RNF216: variants seen among roughly 807,000 people sequenced by gnomAD.
RNF216 encodes the protein ring finger protein 216, also known as E3 ubiquitin-protein ligase RNF216.
Under a neutral mutation model 110.8 loss-of-function variants are expected in RNF216, and 72 were observed. The ratio of observed to expected loss-of-function variants is 0.65; its 90% CI spans 0.54 to 0.79. The LOEUF (loss-of-function observed/expected upper bound fraction) is 0.79, where lower values mean the gene tolerates loss of function less well. RNF216 is among the 30% of genes least tolerant of loss of function. The pLI is 0.00. For missense variants in RNF216, 1,342 were observed against 1,141.2 expected (o/e 1.18, Z -2.54); for synonymous variants, 495 against 407.5 (o/e 1.21, Z -2.59).
At chr7:5,661,747 G>A (rs527473655) in intron 13 of RNF216, among the ~76,000 whole-genome samples, 15 of 152,320 alleles carry the variant, frequency 9.8e-5, no homozygotes, top group African/African-American at 2.6e-4. Context: ...AGGTTGCAGT[G>A]AGCTGAGATT....
Position 5,721,018 on chromosome 7 carries a change from A to G in RNF216, c.1644+15T>C, listed in dbSNP as rs772437508. The G allele has an allele frequency of 9.3e-6, 15 of 1,613,902 alleles. No homozygotes were observed. Among genetic ancestry groups the G allele is most frequent in the Non-Finnish European group, 1.2e-5 (14 of 1,179,894 alleles). On this transcript the variant is annotated intron_variant, in intron 9 of 16. Transcript: ENST00000389902. ...TCCCAGAAACACACCCCAAGACCAGAGCACATCTTCCTACCTCTGCCATCT... is the reference window on the plus strand; with the variant it reads ...TCCCAGAAACACACCCCAAGACCAGGGCACATCTTCCTACCTCTGCCATCT...
At chr7:5,642,190 A>C (rs1787776069) in intron 14 of RNF216, among the ~76,000 whole-genome samples, 1 of 151,314 alleles carries the variant, frequency 6.6e-6, no homozygotes, top group Non-Finnish European at 1.5e-5. Context: ...ACACTACTCA[A>C]CGTTCTACAA....
intron 13 of RNF216, among the ~76,000 whole-genome samples, chr7:5,703,815 C>G (rs1161293047): frequency 6.6e-6 from 1 of 152,192 alleles, no homozygotes; most frequent in Non-Finnish European, 1.5e-5. Context: ...CCTAAACCTC[C>G]ACCTTGTGGC....
intron 14 of RNF216, among the ~76,000 whole-genome samples, chr7:5,642,197 A>G (rs1352348265): frequency 6.6e-6 from 1 of 151,636 alleles, no homozygotes; most frequent in African/African-American, 2.4e-5. Context: ...TCAACGTTCT[A>G]CAACTCAAGG....
At position 5,741,177 on chromosome 7, in the gene RNF216, C is replaced by T. The variant is rs144900235; in HGVS notation, c.840G>A (p.Gln280=). ...AAGAGGGGCCTGAAATCCCACCTTG[C>T]TGGGGTTCCGGCCTTGGAAAAGCGG... ...PGPAFPRPEP[Q]QGGISGPSSP... is the part of the protein sequence containing the mutation. The change falls in exon 4 of 17, where the codon CAG becomes CAA. Residue 280 remains glutamine, a synonymous_variant. Transcript: ENST00000389902. 172 of 1,614,106 alleles carry T rather than the reference C, an allele frequency of 1.1e-4. 2 individuals are homozygous for T. The South Asian group carries it at 1.7e-3, about 16-fold the overall frequency.
At chr7:5,729,292 C>T in intron 7 of RNF216, 140 bp downstream of exon 7, 3 of 730,818 alleles carry the variant, frequency 4.1e-6, no homozygotes, top group Non-Finnish European at 2.4e-6. Flanking sequence ...GAGCAAATAC[C>T]CATCTATTTA....
chr7:5,752,742 C>T (rs772250319), intron 3 of RNF216, 104 bp downstream of exon 3: 17 of 1,116,198 alleles, frequency 1.5e-5, no homozygotes, highest in African/African-American at 3.2e-5. Flanking sequence ...GTTCTCAGAA[C>T]GAGTACAAGA....
intron 15 of RNF216, among the ~76,000 whole-genome samples, chr7:5,632,282 G>A (rs1344071955): frequency 6.6e-6 from 1 of 152,238 alleles, no homozygotes; most frequent in African/African-American, 2.4e-5. Context: ...GAGGGCTGCA[G>A]TCTCTGTGCC....
chr7:5,692,134 C>T (rs1029257542), intron 13 of RNF216, among the ~76,000 whole-genome samples: 1 of 152,158 alleles, frequency 6.6e-6, no homozygotes, highest in African/African-American at 2.4e-5. Flanking sequence ...AGGCTTAGCA[C>T]GGCTATTTGA....
In RNF216 at chr7:5,680,298, C is replaced by G. The variant is rs1163953223; in HGVS notation, c.2062-27788G>C. 1 of 152,332 alleles carries G rather than the reference C, an allele frequency of 6.6e-6. No individual in the cohort carries two copies. The highest frequency in any genetic ancestry group is 1.9e-4 in the East Asian group (1 of 5,196). The allele number at this position is 152,332 out of a possible 1,614,324, so 9.4% of individuals were successfully genotyped here. On this transcript the variant is annotated intron_variant, in intron 13 of 16. Coordinates refer to ENST00000389902, the MANE Select transcript of RNF216 (RefSeq NM_207111.4). The surrounding 1 kb of genome is among the most constrained non-coding windows in gnomAD (Gnocchi z 4.3). ...GTTCCTTTGTCCCCCGCCCTGCCCC[C>G]AGCTAGCTCTGTCATCATAGAATGC...
intron 14 of RNF216, among the ~76,000 whole-genome samples, chr7:5,643,133 CTCAACATTGCTGAAATGTTAAACAGCTAT>C (rs1787843256): frequency 1.3e-5 from 2 of 152,120 alleles, no homozygotes; most frequent in Non-Finnish European, 2.9e-5. Flanking sequence ...ATGCCTGCAA[CTCAACATTGCTGAAATGTTAAACAGCTAT>C]TCAATATTGC....
At position 5,624,510 on chromosome 7, in the gene RNF216, G is replaced by A. The variant is rs138849550; in HGVS notation, c.2383-385C>T. Among the ~76,000 whole-genome samples the A allele has an allele frequency of 4.7e-4, 72 of 152,376 alleles. 1 individual carries two copies. Among genetic ancestry groups the A allele is most frequent in the Non-Finnish European group, 1.5e-4 (10 of 68,044 alleles). Reference sequence around the variant, plus strand: ...AAAGTTTCAGATCCCAAGTCCACAAGCGCTCGGCATGGCAGCCTGTCTGCA... The same window carrying A: ...AAAGTTTCAGATCCCAAGTCCACAAACGCTCGGCATGGCAGCCTGTCTGCA... On this transcript the variant is annotated intron_variant, in intron 15 of 16. Coordinates refer to ENST00000389902, the MANE Select transcript of RNF216 (RefSeq NM_207111.4). This position sits in a 1 kb window ranked among gnomAD's most constrained non-coding sequence, Gnocchi z 4.4.
intron 15 of RNF216, among the ~76,000 whole-genome samples, chr7:5,635,113 A>T (rs1443333655): frequency 6.6e-6 from 1 of 152,140 alleles, no homozygotes; most frequent in Non-Finnish European, 1.5e-5. Context: ...AGTGACCTAC[A>T]CATCATCTCC....
intron 14 of RNF216, among the ~76,000 whole-genome samples, chr7:5,648,727 C>CCAA (rs747781708): frequency 1.1e-5 from 1 of 89,956 alleles, no homozygotes; most frequent in African/African-American, 3.5e-5. Context: ...GACTCTGTCT[C>CCAA]AAAAAAAAAA....
At chr7:5,755,089 G>A (rs1795552418) in intron 2 of RNF216, among the ~76,000 whole-genome samples, 1 of 148,178 alleles carries the variant, frequency 6.7e-6, no homozygotes, top group South Asian at 2.1e-4. Context: ...AGGAAGGAAA[G>A]GAGAAGAGAG....
intron 13 of RNF216, among the ~76,000 whole-genome samples, chr7:5,707,939 C>A (rs1297547981): frequency 1.3e-5 from 2 of 152,170 alleles, no homozygotes; most frequent in African/African-American, 4.8e-5. Context: ...GTTGGCCAGG[C>A]TGGTCTCGAA....
At chr7:5,737,421 G>C (rs1249226297) in intron 5 of RNF216, among the ~76,000 whole-genome samples, 2 of 151,974 alleles carry the variant, frequency 1.3e-5, no homozygotes, top group African/African-American at 4.8e-5. Context: ...GAAAACCAGA[G>C]ACCTTTGTTC....
At chr7:5,776,938 G>C (rs1444498717) in intron 1 of RNF216, among the ~76,000 whole-genome samples, 4 of 130,620 alleles carry the variant, frequency 3.1e-5, no homozygotes, top group Admixed American at 2.3e-4. Flanking sequence ...AAAAGAGAGA[G>C]AGAGAGAAAA....
At chr7:5,689,558 C>G (rs930430410) in intron 13 of RNF216, among the ~76,000 whole-genome samples, 2 of 151,970 alleles carry the variant, frequency 1.3e-5, no homozygotes, top group African/African-American at 4.8e-5. Flanking sequence ...TTCCTTTTCT[C>G]TTGGACTTCC....
Sources: allele counts gnomAD v4.1 joint callset (sites outside exome capture counted in the v4.1 genomes callset), GRCh38; gene constraint gnomAD v4.1.1; non-coding constraint Gnocchi (gnomAD v3.1); transcripts MANE v1.5; gene names NCBI Gene and HGNC (gene_info 2026-07-23, HGNC 2026-07-21).